The following ASB3 variants were observed in gnomAD, a reference collection of about 807,000 sequenced individuals.
The protein encoded by ASB3 is ankyrin repeat and SOCS box containing 3, also known as ankyrin repeat and SOCS box protein 3.
Under a neutral mutation model 54.5 loss-of-function variants are expected in ASB3, and 41 were observed. The ratio of observed to expected loss-of-function variants is 0.75; its 90% CI spans 0.59 to 0.98. The LOEUF (loss-of-function observed/expected upper bound fraction) is 0.98. Among genes scored for constraint, ASB3 ranks in the 50% least tolerant of loss-of-function variants. The pLI, the probability that ASB3 is intolerant of heterozygous loss-of-function variation, is 0.00. For synonymous variants in ASB3, 266 were observed against 221.2 expected, an observed-to-expected ratio of 1.20 and a Z score of -1.80; for missense variants, 733 against 620.0, an observed-to-expected ratio of 1.18 and a Z score of -1.94.
At chr2:53,722,849 G>T (rs1369593860) in intron 5 of ASB3, among the ~76,000 whole-genome samples, 1 of 152,058 alleles carries the variant, frequency 6.6e-6, no homozygotes, top group Non-Finnish European at 1.5e-5. Flanking sequence ...GAACAATCAG[G>T]CAAGAGAAAG....
intron 7 of ASB3, among the ~76,000 whole-genome samples, chr2:53,709,073 G>T (rs543697771): frequency 6.6e-6 from 1 of 152,222 alleles, no homozygotes; most frequent in Non-Finnish European, 1.5e-5. Flanking sequence ...AAAACCACCA[G>T]GGGGTGGTGG....
At chr2:53,768,064 C>G in intron 1 of ASB3, 1 of 1,604,958 alleles carries the variant, frequency 6.2e-7, no homozygotes, top group Non-Finnish European at 8.5e-7. Flanking sequence ...CCCCCTGACC[C>G]CTGCTCCCCA....
intron 9 of ASB3, among the ~76,000 whole-genome samples, chr2:53,676,734 G>C (rs1187265320): frequency 6.6e-6 from 1 of 152,036 alleles, no homozygotes; most frequent in Admixed American, 6.6e-5. Flanking sequence ...GCCCTATACA[G>C]ATCTACCATT....
intron 3 of ASB3, among the ~76,000 whole-genome samples, chr2:53,736,641 G>C (rs1186656199): frequency 6.6e-6 from 1 of 151,522 alleles, no homozygotes; most frequent in Non-Finnish European, 1.5e-5. Context: ...GGAGCTTGCA[G>C]TGAGCCGAAA....
intron 9 of ASB3, among the ~76,000 whole-genome samples, chr2:53,673,146 A>G (rs1275916025): frequency 2.0e-5 from 3 of 152,228 alleles, no homozygotes; most frequent in African/African-American, 4.8e-5. Context: ...GAAAATGACA[A>G]GACTGTTTAA....
At chr2:53,688,850 G>T (rs1668764660) in intron 9 of ASB3, among the ~76,000 whole-genome samples, 1 of 151,950 alleles carries the variant, frequency 6.6e-6, no homozygotes, top group South Asian at 2.1e-4. Context: ...GCGTTGATGG[G>T]TGCAGCAAAC....
intron 9 of ASB3, among the ~76,000 whole-genome samples, chr2:53,684,820 A>G (rs928354727): frequency 6.6e-6 from 1 of 152,220 alleles, no homozygotes; most frequent in African/African-American, 2.4e-5. Context: ...CCCTTAATGT[A>G]GCCAATATGT....
intron 9 of ASB3, among the ~76,000 whole-genome samples, chr2:53,676,367 T>A (rs1668079903): frequency 1.3e-5 from 2 of 152,230 alleles, no homozygotes; most frequent in African/African-American, 4.8e-5. Context: ...CAGCCACCAC[T>A]CCTTCAATGG....
intron 7 of ASB3, among the ~76,000 whole-genome samples, chr2:53,705,571 T>G (rs967463276): frequency 6.6e-6 from 1 of 152,208 alleles, no homozygotes; most frequent in Non-Finnish European, 1.5e-5. Context: ...GAGTTTATCC[T>G]GTTTGGGTTT....
chr2:53,724,926 T>C (rs1670909849), intron 5 of ASB3, among the ~76,000 whole-genome samples: 1 of 152,130 alleles, frequency 6.6e-6, no homozygotes, highest in African/African-American at 2.4e-5. Flanking sequence ...ATTCCATCAC[T>C]GGGTATATAT....
intron 2 of ASB3, among the ~76,000 whole-genome samples, chr2:53,762,501 A>T (rs1295835758): frequency 1.3e-5 from 2 of 152,232 alleles, no homozygotes. Context: ...GCCCAGTATT[A>T]GTGCGTATTT....
chr2:53,720,032 T>G (rs557149876), intron 5 of ASB3, among the ~76,000 whole-genome samples: 185 of 152,190 alleles, frequency 1.2e-3, no homozygotes, highest in Non-Finnish European at 1.4e-3. Flanking sequence ...ACAAGGAATT[T>G]CCCTGTGGAC....
At position 53,748,753 on chromosome 2, in the gene ASB3, C is replaced by G. The variant is rs1672362327; in HGVS notation, c.355+2030G>C. On this transcript the variant is annotated intron_variant, in intron 3 of 9. Transcript: ENST00000263634. ...AAAAACTGTTCCAAATTAAAGGAAGCCAAAGAGACATAACAACTAAATATA... is the reference window on the plus strand; with the variant it reads ...AAAAACTGTTCCAAATTAAAGGAAGGCAAAGAGACATAACAACTAAATATA... 2.0e-5 allele frequency among the ~76,000 whole-genome samples: 3 copies of G among 151,982 alleles called. No homozygotes were observed. In the South Asian group the frequency reaches 6.2e-4, roughly 31 times the overall value.
At chr2:53,689,501 A>G (rs1473480823) in intron 9 of ASB3, among the ~76,000 whole-genome samples, 1 of 152,248 alleles carries the variant, frequency 6.6e-6, no homozygotes, top group Non-Finnish European at 1.5e-5. Flanking sequence ...CTGGAATGCT[A>G]GTTCATTATT....
chr2:53,714,334 T>A (rs767850508), intron 7 of ASB3, 50 bp downstream of exon 7: 2 of 1,595,354 alleles, frequency 1.3e-6, no homozygotes, highest in Non-Finnish European at 1.7e-6. Flanking sequence ...AAAACACATC[T>A]CCATACAGCA....
intron 5 of ASB3, among the ~76,000 whole-genome samples, chr2:53,718,107 A>G (rs1189459761): frequency 1.3e-5 from 2 of 152,342 alleles, no homozygotes; most frequent in East Asian, 3.9e-4. Context: ...AATGACCTGG[A>G]AAACATATTT....
intron 9 of ASB3, among the ~76,000 whole-genome samples, chr2:53,682,113 T>C (rs1354598621): frequency 6.8e-6 from 1 of 148,108 alleles, no homozygotes; most frequent in African/African-American, 2.5e-5. Flanking sequence ...TGAGCCGAGA[T>C]CATGCCACTG....
chr2:53,786,504 G>A, intron 1 of ASB3: 1 of 152,256 alleles, frequency 6.6e-6, no homozygotes, highest in South Asian at 2.1e-4. Context: ...GCGTTAGTCA[G>A]AAGCTGTTAA....
At chr2:53,759,903 C>T (rs549016188) in intron 2 of ASB3, among the ~76,000 whole-genome samples, 12 of 152,170 alleles carry the variant, frequency 7.9e-5, no homozygotes, top group Admixed American at 5.2e-4. Context: ...CACAGAGCCC[C>T]GGGTATGCTT....
Sources: allele counts gnomAD v4.1 joint callset (sites outside exome capture counted in the v4.1 genomes callset), GRCh38; gene constraint gnomAD v4.1.1; transcripts MANE v1.5; gene names NCBI Gene and HGNC (gene_info 2026-07-23, HGNC 2026-07-21).